Variants in DPP6 observed in about 807,000 individuals in gnomAD.
The protein encoded by DPP6 is A-type potassium channel modulatory protein DPP6.
DPP6 carries 69 observed loss-of-function variants against 122.6 expected under a neutral mutation model. That is an observed-to-expected ratio of 0.56 (90% CI 0.46 to 0.69). The LOEUF (loss-of-function observed/expected upper bound fraction) is 0.69, where lower values mean the gene tolerates loss of function less well. Ranked by LOEUF, DPP6 falls within the 30% of genes least tolerant of loss-of-function variation. DPP6 has a pLI of 0.00. For missense variants in DPP6, 928 were observed against 1,116.9 expected (o/e 0.83, Z 2.41); for synonymous variants, 418 against 433.1 (o/e 0.97, Z 0.43).
At chr7:154,012,467 T>A (rs1798195144) in intron 1 of DPP6, among the ~76,000 whole-genome samples, 1 of 152,156 alleles carries the variant, frequency 6.6e-6, no homozygotes, top group Non-Finnish European at 1.5e-5. Context: ...CAAGATAAAT[T>A]GGGCATTTTT....
intron 1 of DPP6, among the ~76,000 whole-genome samples, chr7:153,949,695 T>A (rs999211802): frequency 6.6e-6 from 1 of 152,248 alleles, no homozygotes; most frequent in Non-Finnish European, 1.5e-5. Flanking sequence ...CCTGATAAAC[T>A]TTATTTTCCT....
intron 1 of DPP6, among the ~76,000 whole-genome samples, chr7:154,203,817 C>A (rs866815706): frequency 6.6e-6 from 1 of 152,192 alleles, no homozygotes; most frequent in Non-Finnish European, 1.5e-5. Flanking sequence ...ACACCTGTAA[C>A]CCCGTTTCCC....
At chr7:153,923,596 C>T (rs1475180955) in intron 1 of DPP6, among the ~76,000 whole-genome samples, 2 of 151,772 alleles carry the variant, frequency 1.3e-5, no homozygotes, top group African/African-American at 2.4e-5. Context: ...CTCGTCTCTA[C>T]TAAAAATACA....
intron 7 of DPP6, among the ~76,000 whole-genome samples, chr7:154,714,867 A>G (rs1841391838): frequency 2.0e-5 from 3 of 152,314 alleles, no homozygotes; most frequent in South Asian, 2.1e-4. Flanking sequence ...GGCTTGCCCA[A>G]GGTAGACTGA....
At chr7:153,907,646 G>C (rs898577032) in intron 1 of DPP6, among the ~76,000 whole-genome samples, 5 of 152,148 alleles carry the variant, frequency 3.3e-5, no homozygotes, top group African/African-American at 1.2e-4. Context: ...TGTCCAATCA[G>C]TTGGAGGTCT....
intron 7 of DPP6, among the ~76,000 whole-genome samples, chr7:154,697,256 G>T (rs529146142): frequency 6.6e-6 from 1 of 152,318 alleles, no homozygotes; most frequent in African/African-American, 2.4e-5. Context: ...CTCCACAGCA[G>T]CCTCCCTTTA....
intron 1 of DPP6, among the ~76,000 whole-genome samples, chr7:154,390,722 C>T (rs935527277): frequency 9.9e-5 from 15 of 152,078 alleles, no homozygotes; most frequent in Non-Finnish European, 2.9e-5. Context: ...CCATCGCCGC[C>T]GTCTTCTCTG....
At chr7:153,879,683 C>G in the DPP6 span, among the ~76,000 whole-genome samples, 13 of 152,290 alleles carry the variant, frequency 8.5e-5, no homozygotes, top group South Asian at 2.7e-3. Flanking sequence ...GTCACTGTGC[C>G]TGGTCCAAAA....
At chr7:154,502,471 G>C (rs917751479) in intron 3 of DPP6, among the ~76,000 whole-genome samples, 1 of 152,068 alleles carries the variant, frequency 6.6e-6, no homozygotes, top group African/African-American at 2.4e-5. Context: ...TCTTTCCTGC[G>C]CTGTTCTAGT....
chr7:153,801,231 A>C, the DPP6 span, among the ~76,000 whole-genome samples: 1 of 145,686 alleles, frequency 6.9e-6, no homozygotes, highest in Admixed American at 7.0e-5. Context: ...TGTGTGTTTC[A>C]GTTTTCACAG....
At chr7:154,125,708 C>T (rs1432199244) in intron 1 of DPP6, among the ~76,000 whole-genome samples, 1 of 152,200 alleles carries the variant, frequency 6.6e-6, no homozygotes, top group Non-Finnish European at 1.5e-5. Context: ...CGGATGACCC[C>T]TGTGGCTAGA....
At chr7:154,710,378 A>G (rs1340973966) in intron 7 of DPP6, among the ~76,000 whole-genome samples, 2 of 152,264 alleles carry the variant, frequency 1.3e-5, no homozygotes, top group Non-Finnish European at 2.9e-5. Context: ...TTCCAGGGCA[A>G]CAAAAGCAGG....
At chr7:154,229,940 G>T (rs1800824199) in intron 1 of DPP6, among the ~76,000 whole-genome samples, 1 of 152,024 alleles carries the variant, frequency 6.6e-6, no homozygotes, top group African/African-American at 2.4e-5. Context: ...ACTTTTTGAA[G>T]AACTTACATA....
At chr7:154,643,855 T>G (rs902842683) in intron 6 of DPP6, among the ~76,000 whole-genome samples, 3 of 152,178 alleles carry the variant, frequency 2.0e-5, no homozygotes, top group Non-Finnish European at 2.9e-5. Context: ...GTGAGCCTGA[T>G]AGCTGAGTTT....
chr7:153,852,841 CTTT>C, the DPP6 span, among the ~76,000 whole-genome samples: 1 of 152,166 alleles, frequency 6.6e-6, no homozygotes, highest in African/African-American at 2.4e-5. Flanking sequence ...GAGTTAAGTA[CTTT>C]TTTGATTTTC....
intron 8 of DPP6, among the ~76,000 whole-genome samples, chr7:154,752,060 T>C (rs548963085): frequency 2.0e-5 from 3 of 152,192 alleles, no homozygotes; most frequent in Non-Finnish European, 2.9e-5. Context: ...AGGGCGTCCT[T>C]GGAAAGCAAA....
At chr7:153,903,179 T>C (rs1799710925) in intron 1 of DPP6, among the ~76,000 whole-genome samples, 1 of 152,160 alleles carries the variant, frequency 6.6e-6, no homozygotes, top group African/African-American at 2.4e-5. Context: ...AGAAAAAAAC[T>C]CAGCCATATA....
At chr7:154,873,349 G>A (rs905378312) in intron 19 of DPP6, among the ~76,000 whole-genome samples, 1 of 152,202 alleles carries the variant, frequency 6.6e-6, no homozygotes, top group Non-Finnish European at 1.5e-5. Context: ...AGGCAGTGCA[G>A]AGGGGGCCAC....
rs1443217103 is a variant in DPP6 at position 154,716,359 on chromosome 7, A to G, written c.763-11408A>G. On this transcript the variant is annotated intron_variant, in intron 7 of 25. Transcript: ENST00000377770. ...CTTTTACCACCCTGCATCCCTACCC[A>G]CTTACTATTTTACAGCTCTTACCAC... 7.9e-5 allele frequency among the ~76,000 whole-genome samples: 12 copies of G among 152,016 alleles called. No individual in the cohort carries two copies. In the East Asian group the frequency reaches 2.3e-3, roughly 29 times the overall value.
Sources: gnomAD v4.1 joint callset for allele counts (sites outside exome capture counted in the v4.1 genomes callset) on GRCh38, gnomAD v4.1.1 for gene constraint, MANE v1.5 for transcripts, NCBI Gene and HGNC (gene_info 2026-07-23, HGNC 2026-07-21) for gene names.